The following ULK4 variants were observed in gnomAD, a reference collection of about 807,000 sequenced individuals.
The protein encoded by ULK4 is inactive serine/threonine-protein kinase ULK4.
Under a neutral mutation model 160.6 loss-of-function variants are expected in ULK4, and 133 were observed. That is an observed-to-expected ratio of 0.83 (90% CI 0.72 to 0.96). The LOEUF (loss-of-function observed/expected upper bound fraction) is 0.96, where lower values mean the gene tolerates loss of function less well. Ranked by LOEUF, ULK4 falls within the 40% of genes least tolerant of loss-of-function variation. The pLI is 0.00. For missense variants in ULK4, 1,580 were observed against 1,499.5 expected, an observed-to-expected ratio of 1.05 and a Z score of -0.89; for synonymous variants, 534 against 539.8, an observed-to-expected ratio of 0.99 and a Z score of 0.15.
At chr3:41,276,212 T>C (rs1457233832) in intron 35 of ULK4, among the ~76,000 whole-genome samples, 1 of 152,216 alleles carries the variant, frequency 6.6e-6, no homozygotes, top group Non-Finnish European at 1.5e-5. Context: ...CTGATGATAG[T>C]AAGTAAGGAA....
intron 34 of ULK4, among the ~76,000 whole-genome samples, chr3:41,411,952 A>AC (rs2082417713): frequency 1.3e-5 from 2 of 151,994 alleles, no homozygotes; most frequent in South Asian, 2.1e-4. Context: ...CAATCAGCAC[A>AC]CCCCCTACCT....
At chr3:41,476,552 G>A (rs1304287372) in intron 32 of ULK4, among the ~76,000 whole-genome samples, 1 of 152,118 alleles carries the variant, frequency 6.6e-6, no homozygotes, top group Non-Finnish European at 1.5e-5. Flanking sequence ...CACGAAGAAG[G>A]CTTGTAACAA....
intron 32 of ULK4, among the ~76,000 whole-genome samples, chr3:41,500,813 TCTTA>T (rs1385104190): frequency 6.6e-6 from 1 of 152,174 alleles, no homozygotes; most frequent in Admixed American, 6.5e-5. Flanking sequence ...TTTTTACTCC[TCTTA>T]CTATGTGTGA....
At chr3:41,538,977 T>A (rs1367585283) in intron 32 of ULK4, among the ~76,000 whole-genome samples, 2 of 151,518 alleles carry the variant, frequency 1.3e-5, no homozygotes, top group East Asian at 3.9e-4. Flanking sequence ...TGGTAGTCAA[T>A]GAAAAAACAG....
chr3:41,680,629 G>A (rs1039140733), intron 29 of ULK4, among the ~76,000 whole-genome samples: 43 of 152,148 alleles, frequency 2.8e-4, no homozygotes, highest in Admixed American at 3.3e-4. Flanking sequence ...AATTACATCT[G>A]ATTTCTTTAC....
chr3:41,741,412 TC>T (rs2038235140), intron 22 of ULK4, among the ~76,000 whole-genome samples: 1 of 151,958 alleles, frequency 6.6e-6, no homozygotes, highest in Non-Finnish European at 1.5e-5. Flanking sequence ...TGAATATCCT[TC>T]CAGGTTAATC....
Position 41,485,211 on chromosome 3 carries a change from T to C in ULK4, c.3227-21958A>G, listed in dbSNP as rs948555957. On this transcript the variant is annotated intron_variant, in intron 32 of 36. Coordinates refer to ENST00000301831, the MANE Select transcript of ULK4 (RefSeq NM_017886.4). ...GCTATTACCCATTTTGCAAGACTGC[T>C]TTCCTGTAACTAAAATGACAGAAAA... 4.6e-5 allele frequency among the ~76,000 whole-genome samples: 7 copies of C among 152,142 alleles called. 1 individual carries two copies. The highest frequency in any genetic ancestry group is 1.7e-4 in the African/African-American group (7 of 41,436).
chr3:41,390,621 T>C (rs920493673), intron 35 of ULK4, among the ~76,000 whole-genome samples: 6 of 152,328 alleles, frequency 3.9e-5, no homozygotes, highest in Admixed American at 1.3e-4. Context: ...CATTTTGTTA[T>C]GTACCCAGTA....
intron 2 of ULK4, among the ~76,000 whole-genome samples, chr3:41,939,559 T>TATA (rs10693722): frequency 0.82 from 124,413 of 151,954 alleles, 54,983 homozygotes; most frequent in Non-Finnish European, 0.98. Flanking sequence ...GTATTATTTT[T>TATA]ATATTTAAAA....
intron 2 of ULK4, among the ~76,000 whole-genome samples, chr3:41,943,917 T>C (rs1009746272): frequency 2.6e-5 from 4 of 152,168 alleles, no homozygotes; most frequent in African/African-American, 9.7e-5. Flanking sequence ...TTATTATCCT[T>C]ATGGAAAAGC....
At chr3:41,706,896 T>TAGAG (rs1284903397) in intron 25 of ULK4, among the ~76,000 whole-genome samples, 43 of 130,030 alleles carry the variant, frequency 3.3e-4, no homozygotes, top group African/African-American at 1.7e-3. Flanking sequence ...TGTGTATATA[T>TAGAG]ATATAGAGAG....
At chr3:41,584,190 T>C (rs1010657900) in intron 31 of ULK4, among the ~76,000 whole-genome samples, 2 of 152,202 alleles carry the variant, frequency 1.3e-5, no homozygotes, top group Admixed American at 6.5e-5. Flanking sequence ...AATCAATCCC[T>C]GTCTTCTAAC....
At chr3:41,391,019 T>C (rs1004775021) in intron 35 of ULK4, among the ~76,000 whole-genome samples, 1 of 152,150 alleles carries the variant, frequency 6.6e-6, no homozygotes, top group African/African-American at 2.4e-5. Context: ...AGCAACTTTT[T>C]TTAGCTTCCA....
At chr3:41,871,767 C>T (rs1697103748) in intron 17 of ULK4, among the ~76,000 whole-genome samples, 1 of 152,126 alleles carries the variant, frequency 6.6e-6, no homozygotes, top group African/African-American at 2.4e-5. Flanking sequence ...ATATTTTCTC[C>T]ATGTGTCTAG....
At chr3:41,897,348 C>T (rs538498485) in intron 14 of ULK4, among the ~76,000 whole-genome samples, 12 of 152,284 alleles carry the variant, frequency 7.9e-5, no homozygotes, top group African/African-American at 2.6e-4. Context: ...AATAAATCAA[C>T]TCTCAAATAT....
At position 41,706,859 on chromosome 3, in the gene ULK4, G is replaced by A. The variant is rs1303093678; in HGVS notation, c.2635-1554C>T. Among the ~76,000 whole-genome samples the A allele has an allele frequency of 8.0e-3, 953 of 119,392 alleles. 17 individuals carry two copies. Among genetic ancestry groups the A allele is most frequent in the African/African-American group, 0.046 (879 of 18,990 alleles). The allele number at this position is 119,392 out of a possible 152,430, so 78.3% of individuals were successfully genotyped here. On this transcript the variant is annotated intron_variant, in intron 25 of 36. Coordinates refer to ENST00000301831, the MANE Select transcript of ULK4 (RefSeq NM_017886.4). ...AAAAAAAAAAAAAATATGTGTGTGT[G>A]TGTGTGTGTGTGTGTGTGTGTGTGT...
intron 29 of ULK4, among the ~76,000 whole-genome samples, chr3:41,670,489 A>G (rs1559474584): frequency 2.6e-5 from 4 of 152,126 alleles, no homozygotes; most frequent in Admixed American, 2.0e-4. Flanking sequence ...AAGTACATCA[A>G]TAATTAAATG....
intron 17 of ULK4, among the ~76,000 whole-genome samples, chr3:41,873,193 A>G (rs934579509): frequency 1.3e-5 from 2 of 148,782 alleles, no homozygotes; most frequent in African/African-American, 2.5e-5. Flanking sequence ...TTATCTCTCT[A>G]TCTCTCTATG....
intron 35 of ULK4, among the ~76,000 whole-genome samples, chr3:41,291,966 G>A (rs1353876792): frequency 3.3e-5 from 5 of 151,938 alleles, no homozygotes; most frequent in Admixed American, 1.3e-4. Context: ...GAGTAGCTGG[G>A]ACTACAGGCC....
Sources: gnomAD v4.1 joint callset for allele counts (sites outside exome capture counted in the v4.1 genomes callset) on GRCh38, gnomAD v4.1.1 for gene constraint, MANE v1.5 for transcripts, NCBI Gene and HGNC (gene_info 2026-07-23, HGNC 2026-07-21) for gene names.